TTC28: variants seen among roughly 807,000 people sequenced by gnomAD.
TTC28 encodes tetratricopeptide repeat domain 28, also known as tetratricopeptide repeat protein 28.
TTC28 carries 61 observed loss-of-function variants against 198.0 expected under a neutral mutation model. That is an observed-to-expected ratio of 0.31 (90% confidence interval 0.25 to 0.38). The LOEUF (loss-of-function observed/expected upper bound fraction) is 0.38, where lower values mean the gene tolerates loss of function less well. Among genes scored for constraint, TTC28 ranks in the 10% least tolerant of loss-of-function variants. The probability of loss-of-function intolerance (pLI) is 1.00; values close to 1 mark genes in which losing one functional copy is unlikely to be tolerated. For synonymous variants in TTC28, 1,171 were observed against 1,297.8 expected, an observed-to-expected ratio of 0.90 and a Z score of 2.10; for missense variants, 2,678 against 3,164.0, an observed-to-expected ratio of 0.85 and a Z score of 3.69.
intron 1 of TTC28, among the ~76,000 whole-genome samples, chr22:28,632,152 C>G (rs1027128414): frequency 1.9e-4 from 28 of 150,110 alleles, no homozygotes; most frequent in South Asian, 1.0e-3. Context: ...AGCGACTGTT[C>G]TTCCTCTGTT....
intron 5 of TTC28, among the ~76,000 whole-genome samples, chr22:28,201,451 A>T (rs566572877): frequency 3.3e-5 from 5 of 152,242 alleles, no homozygotes; most frequent in African/African-American, 9.6e-5. Flanking sequence ...ACTGAGATTT[A>T]AAATGAAACC....
intron 2 of TTC28, among the ~76,000 whole-genome samples, chr22:28,443,294 A>T (rs2146234218): frequency 6.6e-6 from 1 of 152,326 alleles, no homozygotes; most frequent in African/African-American, 2.4e-5. Context: ...CCGGGCTTCT[A>T]CCATCCAAAC....
intron 8 of TTC28, among the ~76,000 whole-genome samples, chr22:28,101,777 T>C (rs1942159947): frequency 1.0e-5 from 1 of 95,900 alleles, no homozygotes; most frequent in African/African-American, 4.6e-5. Flanking sequence ...GAGACCCATC[T>C]CTGTTAAAAA....
At chr22:28,232,059 C>T (rs973992674) in intron 5 of TTC28, among the ~76,000 whole-genome samples, 2 of 152,136 alleles carry the variant, frequency 1.3e-5, no homozygotes, top group African/African-American at 4.8e-5. Flanking sequence ...TTTTATCAGA[C>T]AGTGATGGGG....
intron 2 of TTC28, among the ~76,000 whole-genome samples, chr22:28,456,927 A>G (rs1410744003): frequency 6.6e-6 from 1 of 152,254 alleles, no homozygotes; most frequent in Admixed American, 6.5e-5. Context: ...CATACTAGAC[A>G]ACAAAAATAA....
At chr22:28,528,208 G>C (rs1175016956) in intron 2 of TTC28, among the ~76,000 whole-genome samples, 1 of 152,022 alleles carries the variant, frequency 6.6e-6, no homozygotes, top group Non-Finnish European at 1.5e-5. Flanking sequence ...GTTTCATAAA[G>C]GACATATGAA....
intron 2 of TTC28, among the ~76,000 whole-genome samples, chr22:28,504,344 A>G (rs1433737855): frequency 2.0e-5 from 3 of 152,194 alleles, no homozygotes; most frequent in Non-Finnish European, 4.4e-5. Context: ...TTCCTATACT[A>G]GCCTATATAG....
chr22:28,536,305 G>T (rs1189005815), intron 2 of TTC28, among the ~76,000 whole-genome samples: 1 of 148,980 alleles, frequency 6.7e-6, no homozygotes, highest in East Asian at 2.0e-4. Context: ...AAAAGTACAA[G>T]ATCTATATGA....
intron 2 of TTC28, among the ~76,000 whole-genome samples, chr22:28,360,593 A>G (rs738199): frequency 0.36 from 54,293 of 152,042 alleles, 10,124 homozygotes; most frequent in Middle Eastern, 0.46. Context: ...GTAAATCTGA[A>G]ACACAGAAAC....
At chr22:28,648,041 G>A (rs1458273688) in intron 1 of TTC28, among the ~76,000 whole-genome samples, 3 of 151,400 alleles carry the variant, frequency 2.0e-5, no homozygotes, top group Non-Finnish European at 2.9e-5. Context: ...TGGCTAACAC[G>A]GTGAAACCCC....
At chr22:28,363,395 T>C (rs1362283223) in intron 2 of TTC28, among the ~76,000 whole-genome samples, 1 of 152,170 alleles carries the variant, frequency 6.6e-6, no homozygotes, top group Non-Finnish European at 1.5e-5. Flanking sequence ...TTAGAGGATA[T>C]ATGGAAACAC....
intron 6 of TTC28, among the ~76,000 whole-genome samples, chr22:28,119,779 C>T (rs1476937153): frequency 6.6e-6 from 1 of 152,208 alleles, no homozygotes; most frequent in Non-Finnish European, 1.5e-5. Flanking sequence ...TCTGGCACTA[C>T]TAATTAATAA....
intron 12 of TTC28, among the ~76,000 whole-genome samples, chr22:28,035,046 T>C (rs1939280069): frequency 6.6e-6 from 1 of 152,172 alleles, no homozygotes; most frequent in Non-Finnish European, 1.5e-5. Context: ...GGATTTTCAT[T>C]TGCAAGCATG....
At chr22:28,604,205 G>A (rs570005833) in intron 2 of TTC28, among the ~76,000 whole-genome samples, 3 of 150,588 alleles carry the variant, frequency 2.0e-5, no homozygotes, top group East Asian at 2.0e-4. Context: ...TTGAACCCGA[G>A]AGGCAGATGT....
chr22:28,573,653 G>C (rs1340922701), intron 2 of TTC28, among the ~76,000 whole-genome samples: 1 of 151,802 alleles, frequency 6.6e-6, no homozygotes, highest in Non-Finnish European at 1.5e-5. Context: ...AGGGTAAATG[G>C]GGTATCTACA....
At chr22:28,659,600 C>T (rs1052115033) in intron 1 of TTC28, among the ~76,000 whole-genome samples, 4 of 151,916 alleles carry the variant, frequency 2.6e-5, no homozygotes, top group African/African-American at 9.7e-5. Flanking sequence ...GAAATTCCTG[C>T]TCAAATAAAG....
intron 1 of TTC28, among the ~76,000 whole-genome samples, chr22:28,644,874 G>T (rs544582635): frequency 6.6e-6 from 1 of 151,386 alleles, no homozygotes; most frequent in South Asian, 2.1e-4. Context: ...AGTGGGGCGC[G>T]GTGGCTCACC....
At position 27,982,885 on chromosome 22, in the gene TTC28, T is replaced by C. The variant is rs979279969; in HGVS notation, c.6782A>G (p.Asp2261Gly). Residue 2261 changes from aspartate (D) to glycine (G), a missense_variant, in exon 23 of 23, where the codon GAC becomes GGC. Around this residue, in one of 8 missense-constraint regions of TTC28, gnomAD observed 622 missense variants for 656.0 expected, o/e 0.95. Transcript: ENST00000397906. The surrounding 1 kb of genome is among the most constrained non-coding windows in gnomAD (Gnocchi z 5.2). ...SPTTSEMSIK[D>G]SPSQHSGRPS... ...CCGGCCACTGTGCTGGCTCGGGCTG[T>C]CTTTGATGGACATCTCTGAGGTGGT... 1 of 1,551,008 alleles carries C rather than the reference T, an allele frequency of 6.4e-7. No individual in the cohort carries two copies. Among genetic ancestry groups the C allele is most frequent in the African/African-American group, 1.4e-5 (1 of 72,998 alleles).
At chr22:28,156,439 C>A (rs1601398364) in intron 6 of TTC28, among the ~76,000 whole-genome samples, 1 of 152,088 alleles carries the variant, frequency 6.6e-6, no homozygotes, top group Admixed American at 6.5e-5. Flanking sequence ...TTTAGCCCAG[C>A]GAAGCTGATT....
Sources: gnomAD v4.1 joint callset for allele counts (sites outside exome capture counted in the v4.1 genomes callset) on GRCh38, gnomAD v4.1.1 for gene constraint, gnomAD v4.1.1 regional missense constraint, Gnocchi (gnomAD v3.1) non-coding constraint, MANE v1.5 for transcripts, NCBI Gene and HGNC (gene_info 2026-07-23, HGNC 2026-07-21) for gene names.